The following ADCY7 variants were observed in gnomAD, a reference collection of about 807,000 sequenced individuals.
ADCY7 encodes the protein adenylate cyclase 7, also known as adenylate cyclase type 7.
Under a neutral mutation model 120.6 loss-of-function variants are expected in ADCY7, and 72 were observed. The ratio of observed to expected loss-of-function variants is 0.60; its 90% CI spans 0.49 to 0.73. The LOEUF (loss-of-function observed/expected upper bound fraction) is 0.73, where lower values mean the gene tolerates loss of function less well. Among genes scored for constraint, ADCY7 ranks in the 30% least tolerant of loss-of-function variants. The probability of loss-of-function intolerance (pLI) is 0.00; values close to 1 mark genes in which losing one functional copy is unlikely to be tolerated. For synonymous variants in ADCY7, 661 were observed against 628.0 expected, an observed-to-expected ratio of 1.05 and a Z score of -0.78; for missense variants, 1,227 against 1,486.0, an observed-to-expected ratio of 0.83 and a Z score of 2.87.
At chr16:50,291,689 C>G (rs768508645) in intron 3 of ADCY7, 47 bp from the exon 4 acceptor site, 11 of 1,611,676 alleles carry the variant, frequency 6.8e-6, no homozygotes, top group Non-Finnish European at 9.3e-6. Flanking sequence ...GCTGTACGGC[C>G]TGGGGCAGCA....
chr16:50,309,621 C>T lies in ADCY7; in HGVS notation c.2135C>T (p.Thr712Ile). ...GGCCTACTGGCCGCGAGCAGCAAGA[C>T]AAGAGCCCTGTGTGAGCCCCTCCCG... is the stretch of plus-strand genomic sequence containing the variant. ...ETGLLAASSK[T>I]RALCEPLPYY... is the part of the protein sequence containing the mutation. Residue 712 changes from threonine to isoleucine, a missense_variant, in exon 18 of 26, where the codon ACA (threonine) becomes ATA (isoleucine). By Grantham distance (89) the Thr-to-Ile change is moderately conservative. Transcript: ENST00000673801. The T allele has an allele frequency of 6.2e-7, 1 of 1,612,050 alleles. No homozygotes were observed. The highest frequency in any genetic ancestry group is 8.5e-7 in the Non-Finnish European group (1 of 1,180,020).
intron 6 of ADCY7, among the ~76,000 whole-genome samples, chr16:50,293,851 GC>G (rs771806876): frequency 6.6e-6 from 1 of 152,224 alleles, no homozygotes; most frequent in Non-Finnish European, 1.5e-5. Context: ...ATGAGGTAAA[GC>G]CCCCCGGCCT....
At chr16:50,282,480 G>T (rs747468215) in intron 1 of ADCY7, among the ~76,000 whole-genome samples, 24 of 152,164 alleles carry the variant, frequency 1.6e-4, no homozygotes, top group Admixed American at 7.8e-4. Flanking sequence ...GGGTTGCTCA[G>T]CAGGCTTCCT....
intron 1 of ADCY7, among the ~76,000 whole-genome samples, chr16:50,276,846 G>T (rs887328835): frequency 6.6e-6 from 1 of 152,094 alleles, no homozygotes; most frequent in East Asian, 1.9e-4. Context: ...CTCCTGCCTC[G>T]GCCTCCTGAA....
chr16:50,268,857 C>T (rs1022810508), intron 1 of ADCY7, among the ~76,000 whole-genome samples: 2 of 152,052 alleles, frequency 1.3e-5, no homozygotes, highest in Admixed American at 6.5e-5. Context: ...GGCAACATGG[C>T]GAAACCCCGT....
intron 10 of ADCY7, among the ~76,000 whole-genome samples, chr16:50,302,970 T>A (rs755662578): frequency 8.5e-5 from 13 of 152,244 alleles, no homozygotes; most frequent in Non-Finnish European, 1.5e-4. Flanking sequence ...GTGGACTGGA[T>A]GGTGGCTGCA....
At chr16:50,256,925 C>T (rs530055650) in intron 1 of ADCY7, among the ~76,000 whole-genome samples, 1 of 152,130 alleles carries the variant, frequency 6.6e-6, no homozygotes, top group East Asian at 1.9e-4. Context: ...AAACAAGTGT[C>T]CATTAATGGA....
chr16:50,291,933 G>C (rs769273131), intron 4 of ADCY7, 36 bp downstream of exon 4: 36 of 1,571,616 alleles, frequency 2.3e-5, no homozygotes, highest in South Asian at 7.2e-5. Flanking sequence ...GGGAGGTTTT[G>C]TGGTCTGGGT....
At position 50,301,133 on chromosome 16, in the gene ADCY7, G is replaced by A; in HGVS notation, c.1287G>A (p.Glu429=). 1 of 1,614,004 alleles carries A rather than the reference G, an allele frequency of 6.2e-7. No homozygotes were observed. The highest frequency in any genetic ancestry group is 2.2e-5 in the East Asian group (1 of 44,874). ...ATLKHLDKAY[E]VEDGHGQQRD... ...TAAAGCACCTGGACAAGGCGTACGAGGTGGAGGATGGGCACGGGCAGCAGC... is the reference window on the plus strand; with the variant it reads ...TAAAGCACCTGGACAAGGCGTACGAAGTGGAGGATGGGCACGGGCAGCAGC... Residue 429 remains glutamate (E), a synonymous_variant, in exon 10 of 26, where the codon GAG becomes GAA. Coordinates refer to ENST00000673801, the MANE Select transcript of ADCY7 (RefSeq NM_001114.5).
chr16:50,267,971 G>A (rs940884973), intron 1 of ADCY7, among the ~76,000 whole-genome samples: 1 of 152,158 alleles, frequency 6.6e-6, no homozygotes, highest in African/African-American at 2.4e-5. Context: ...TTTACCTGCA[G>A]CTCCTGGTGC....
chr16:50,253,583 T>C (rs2150782987), intron 1 of ADCY7, among the ~76,000 whole-genome samples: 1 of 152,350 alleles, frequency 6.6e-6, no homozygotes, highest in East Asian at 1.9e-4. Context: ...ACCTTTGTGG[T>C]GCCCTCAGGC....
upstream of ADCY7, among the ~76,000 whole-genome samples, chr16:50,264,841 T>C (rs1237047761): frequency 2.6e-4 from 38 of 148,834 alleles, no homozygotes; most frequent in South Asian, 7.7e-3. Flanking sequence ...GTCTTTTTTT[T>C]TTTTTTTTTT....
chr16:50,278,964 C>G (rs1274995335), intron 1 of ADCY7, among the ~76,000 whole-genome samples: 1 of 151,614 alleles, frequency 6.6e-6, no homozygotes, highest in Admixed American at 6.6e-5. Context: ...CTCTGCCTCC[C>G]GAGTTCAAGT....
chr16:50,315,970 A>G lies in ADCY7; in HGVS notation c.*465A>G, dbSNP rs555323561. 6.4e-6 allele frequency: 1 copy of G among 155,790 alleles called. No homozygotes were observed. Among genetic ancestry groups the G allele is most frequent in the East Asian group, 1.8e-4 (1 of 5,442 alleles). The allele number at this position is 155,790 out of a possible 1,614,324, so 9.7% of individuals were successfully genotyped here. ...TCTCCCTGGTGGGCCTGGCAATGACAGCATTTCTCACAGAGGCATTCTGGT... is the reference window on the plus strand; with the variant it reads ...TCTCCCTGGTGGGCCTGGCAATGACGGCATTTCTCACAGAGGCATTCTGGT... On this transcript the variant is annotated 3_prime_UTR_variant, in exon 26 of 26. Coordinates refer to ENST00000673801, the MANE Select transcript of ADCY7 (RefSeq NM_001114.5).
At position 50,315,538 on chromosome 16, in the gene ADCY7, G is replaced by A; in HGVS notation, c.*33G>A. 1 of 1,594,832 alleles carries A rather than the reference G, an allele frequency of 6.3e-7. No homozygotes were observed. Among genetic ancestry groups the A allele is most frequent in the Non-Finnish European group, 8.6e-7 (1 of 1,164,076 alleles). ...TGCTGGATTCCGAAAAGGCCGGGAA[G>A]CCAGTCTCCTTCCCTGAAGCAAGCC... On this transcript the variant is annotated 3_prime_UTR_variant, in exon 26 of 26. Transcript: ENST00000673801.
In ADCY7 at chr16:50,291,613, G is replaced by A. The variant is rs373606107; in HGVS notation, c.376-123G>A. On this transcript the variant is annotated intron_variant, in intron 3 of 25. Transcript: ENST00000673801. ...TTCCCTTGTATGTCTGCCCACGCAG[G>A]GGGTGGCGAGGGAGCCAACCTAAGG... is the stretch of plus-strand genomic sequence containing the variant. 8.7e-4 allele frequency: 924 copies of A among 1,058,090 alleles called. 18 individuals are homozygous for A. The South Asian group carries it at 0.012, about 14-fold the overall frequency. 65.5% of individuals were successfully genotyped at this position (1,058,090 alleles called of 1,614,324 possible). A position where few individuals can be genotyped will look rare whatever the true frequency, so the allele number is the denominator to read the frequency against.
At chr16:50,287,809 A>G (rs571385121) in intron 1 of ADCY7, 103 bp from the exon 2 acceptor site, 32 of 230,828 alleles carry the variant, frequency 1.4e-4, no homozygotes, top group African/African-American at 6.8e-4. Context: ...AAGATGGATA[A>G]ATCAGACTTG....
At chr16:50,299,916 C>T (rs1365356807) in intron 8 of ADCY7, among the ~76,000 whole-genome samples, 2 of 152,128 alleles carry the variant, frequency 1.3e-5, no homozygotes, top group Admixed American at 6.5e-5. Context: ...GAAGCTCTCC[C>T]GTGGGGCTCT....
At chr16:50,287,178 G>A (rs2034633660) in intron 1 of ADCY7, among the ~76,000 whole-genome samples, 1 of 151,668 alleles carries the variant, frequency 6.6e-6, no homozygotes, top group Admixed American at 6.6e-5. Context: ...ACCATGTCCG[G>A]CTAATTTTTG....
Sources: gnomAD v4.1 joint callset for allele counts (sites outside exome capture counted in the v4.1 genomes callset) on GRCh38, gnomAD v4.1.1 for gene constraint, MANE v1.5 for transcripts, NCBI Gene and HGNC (gene_info 2026-07-23, HGNC 2026-07-21) for gene names.